SAMMSON: variants seen among roughly 807,000 people sequenced by gnomAD.
The protein encoded by SAMMSON is survival associated mitochondrial melanoma specific oncogenic non-coding RNA.
intron 4 of SAMMSON, among the ~76,000 whole-genome samples, chr3:70,116,025 A>G (rs994513899): frequency 3.3e-5 from 5 of 152,132 alleles, no homozygotes; most frequent in Non-Finnish European, 7.4e-5. Context: ...CCAGAATTCT[A>G]CATGTAAAGT....
At chr3:70,212,475 C>T (rs1222719991) in intron 4 of SAMMSON, among the ~76,000 whole-genome samples, 1 of 152,078 alleles carries the variant, frequency 6.6e-6, no homozygotes, top group Non-Finnish European at 1.5e-5. Context: ...GGCCCTGTCC[C>T]TCCATCCAAT....
At chr3:70,040,872 T>C (rs2067103916) in intron 3 of SAMMSON, among the ~76,000 whole-genome samples, 1 of 152,098 alleles carries the variant, frequency 6.6e-6, no homozygotes, top group Non-Finnish European at 1.5e-5. Flanking sequence ...AGGTCATAAA[T>C]GGAAAACCTG....
intron 3 of SAMMSON, among the ~76,000 whole-genome samples, chr3:70,039,031 G>C (rs6795941): frequency 0.046 from 7,063 of 152,160 alleles, 371 homozygotes; most frequent in African/African-American, 0.13. Flanking sequence ...TGAGCAACAG[G>C]TCATTATGAC....
chr3:70,249,795 T>C (rs1701742929), intron 6 of SAMMSON: 1 of 152,174 alleles, frequency 6.6e-6, no homozygotes, highest in African/African-American at 2.4e-5. Flanking sequence ...GTTGCTAAGA[T>C]ACGGTAGTTA....
chr3:70,252,895 C>T (rs955741908), intron 6 of SAMMSON, among the ~76,000 whole-genome samples: 28 of 152,012 alleles, frequency 1.8e-4, no homozygotes, highest in African/African-American at 6.3e-4. Flanking sequence ...GCGTGGCCAA[C>T]ATCGTGAAAC....
At chr3:70,055,714 T>G (rs897659530) in intron 3 of SAMMSON, among the ~76,000 whole-genome samples, 3 of 152,074 alleles carry the variant, frequency 2.0e-5, no homozygotes, top group Non-Finnish European at 4.4e-5. Context: ...AAATAATGTG[T>G]TGTTGTATGT....
chr3:70,048,253 A>G (rs959793852), intron 3 of SAMMSON, among the ~76,000 whole-genome samples: 2 of 152,112 alleles, frequency 1.3e-5, no homozygotes, highest in African/African-American at 4.8e-5. Flanking sequence ...TATTAGGTAA[A>G]TAAACAAATT....
chr3:70,109,123 A>G (rs2106659609), intron 4 of SAMMSON, among the ~76,000 whole-genome samples: 1 of 152,226 alleles, frequency 6.6e-6, no homozygotes, highest in Admixed American at 6.5e-5. Flanking sequence ...CTCTAAACTG[A>G]ATCCTCTGGA....
intron 1 of SAMMSON, among the ~76,000 whole-genome samples, chr3:70,007,580 C>A (rs1027096104): frequency 6.6e-6 from 1 of 151,792 alleles, no homozygotes; most frequent in Non-Finnish European, 1.5e-5. Flanking sequence ...AAAATTTTCT[C>A]CCATTCTGTA....
In SAMMSON at chr3:70,421,670, T is replaced by G. The variant is rs114098414; in HGVS notation, n.234-40890T>G. 8.9e-3 allele frequency among the ~76,000 whole-genome samples: 1,353 copies of G among 152,184 alleles called. 26 individuals are homozygous for G. The highest frequency in any genetic ancestry group is 0.028 in the African/African-American group (1,156 of 41,552). ...GACAGTATGAAAATTATCTCCACAG[T>G]AGGAATAAGAAGCGCTGGTGAAGAT... On this transcript the variant is annotated intron_variant and non_coding_transcript_variant, in intron 2 of 3. Coordinates refer to the SAMMSON transcript ENST00000641053.
At chr3:70,323,284 A>C (rs1412304865) in intron 7 of SAMMSON, among the ~76,000 whole-genome samples, 1 of 152,138 alleles carries the variant, frequency 6.6e-6, no homozygotes, top group Non-Finnish European at 1.5e-5. Flanking sequence ...GAATGTGTTC[A>C]TTTCGTACTA....
intron 3 of SAMMSON, chr3:70,014,698 C>T (rs1260356817): frequency 1.3e-5 from 2 of 152,210 alleles, no homozygotes; most frequent in East Asian, 3.8e-4. Context: ...TTTCCTCCAA[C>T]TCTCAAAGTA....
chr3:70,316,555 C>A (rs1226048970), intron 7 of SAMMSON, among the ~76,000 whole-genome samples: 1 of 151,976 alleles, frequency 6.6e-6, no homozygotes, highest in African/African-American at 2.4e-5. Context: ...ATTTAAATAG[C>A]CATTCTAATG....
chr3:70,072,050 A>T (rs2107594828), intron 4 of SAMMSON: 1 of 152,072 alleles, frequency 6.6e-6, no homozygotes, highest in Non-Finnish European at 1.5e-5. Flanking sequence ...ATTACATTTT[A>T]CTGATTTTTA....
chr3:70,256,770 A>T (rs1480942783), intron 6 of SAMMSON, among the ~76,000 whole-genome samples: 1 of 152,198 alleles, frequency 6.6e-6, no homozygotes, highest in Non-Finnish European at 1.5e-5. Context: ...TTAATCATTT[A>T]CTTCCAAGTT....
At chr3:70,215,203 G>T (rs1223294456) in intron 4 of SAMMSON, among the ~76,000 whole-genome samples, 1 of 152,096 alleles carries the variant, frequency 6.6e-6, no homozygotes, top group African/African-American at 2.4e-5. Flanking sequence ...ATTATTACAT[G>T]AATGAGGAAA....
At chr3:70,403,429 G>T (rs969706352) in intron 2 of SAMMSON, among the ~76,000 whole-genome samples, 2 of 152,180 alleles carry the variant, frequency 1.3e-5, no homozygotes, top group Non-Finnish European at 2.9e-5. Flanking sequence ...AGTCTTAGTG[G>T]TTCAAAACTG....
intron 7 of SAMMSON, among the ~76,000 whole-genome samples, chr3:70,334,795 A>C (rs1702649261): frequency 6.6e-6 from 1 of 152,144 alleles, no homozygotes; most frequent in African/African-American, 2.4e-5. Context: ...GTGATGTTTA[A>C]ACCTTAACTA....
intron 7 of SAMMSON, among the ~76,000 whole-genome samples, chr3:70,300,045 A>G (rs1287436255): frequency 6.6e-6 from 1 of 152,102 alleles, no homozygotes. Context: ...CTGCCTATTG[A>G]AACACTACCC....
Sources: gnomAD v4.1 joint callset for allele counts (sites outside exome capture counted in the v4.1 genomes callset) on GRCh38, gnomAD v4.1.1 for gene constraint, MANE v1.5 for transcripts, NCBI Gene and HGNC (gene_info 2026-07-23, HGNC 2026-07-21) for gene names.